The following L3MBTL3 variants were observed in gnomAD, a reference collection of about 807,000 sequenced individuals.
L3MBTL3 encodes the protein L3MBTL histone methyl-lysine binding protein 3, also known as lethal(3)malignant brain tumor-like protein 3.
A neutral mutation model predicts 102.3 loss-of-function variants in L3MBTL3; 27 were observed. The observed-to-expected ratio is 0.26, with a 90% CI of 0.19 to 0.36. The LOEUF (loss-of-function observed/expected upper bound fraction) is 0.36. Among genes scored for constraint, L3MBTL3 ranks in the 10% least tolerant of loss-of-function variants. The probability of loss-of-function intolerance (pLI) is 1.00; values close to 1 mark genes in which losing one functional copy is unlikely to be tolerated. For synonymous variants in L3MBTL3, 340 were observed against 320.9 expected, an observed-to-expected ratio of 1.06 and a Z score of -0.64; for missense variants, 798 against 955.3, an observed-to-expected ratio of 0.84 and a Z score of 2.17.
intron 18 of L3MBTL3, 31 bp from the exon 19 acceptor site, chr6:130,104,395 C>A: frequency 7.5e-7 from 1 of 1,334,380 alleles, no homozygotes; most frequent in Non-Finnish European, 1.0e-6. Context: ...GTTCAATGTT[C>A]TTTTTTTTTT....
intron 13 of L3MBTL3, among the ~76,000 whole-genome samples, chr6:130,076,455 A>G (rs1263898552): frequency 6.6e-6 from 1 of 151,962 alleles, no homozygotes; most frequent in Non-Finnish European, 1.5e-5. Context: ...ATAAGCATGG[A>G]TTTTTTTTAA....
At chr6:130,124,826 C>T (rs866130923) in intron 20 of L3MBTL3, among the ~76,000 whole-genome samples, 10 of 151,992 alleles carry the variant, frequency 6.6e-5, no homozygotes, top group Admixed American at 2.0e-4. Flanking sequence ...CGAAATCAGC[C>T]GGGCATGGTG....
At chr6:130,132,876 A>G (rs972837390) in intron 20 of L3MBTL3, among the ~76,000 whole-genome samples, 5 of 152,196 alleles carry the variant, frequency 3.3e-5, no homozygotes, top group African/African-American at 9.6e-5. Flanking sequence ...TTACAAAAAC[A>G]TTTGCATTTC....
intron 19 of L3MBTL3, among the ~76,000 whole-genome samples, chr6:130,118,379 CT>C (rs1416570811): frequency 6.6e-6 from 1 of 152,144 alleles, no homozygotes; most frequent in Non-Finnish European, 1.5e-5. Flanking sequence ...AAGAAGTGAA[CT>C]TTTCTTATTA....
rs759505576 is a variant in L3MBTL3 at position 130,052,921 on chromosome 6, G to A, written c.512G>A (p.Arg171Gln). Residue 171 changes from arginine (R) to glutamine (Q), a missense_variant, in exon 7 of 23, where the codon CGG (arginine) becomes CAG (glutamine). Physicochemically the swap from Arg to Gln is conservative, Grantham distance 43. Transcript: ENST00000361794. ...DNEEEDPKCS[R>Q]KKKPKLSLKA... ...GAGGAAGAAGATCCTAAGTGTAGTC[G>A]GAAGAAAAAACCAAAATTATCTCTG... 55 of 1,613,756 alleles carry A rather than the reference G, an allele frequency of 3.4e-5. No individual in the cohort carries two copies. The highest frequency in any genetic ancestry group is 6.6e-5 in the South Asian group (6 of 91,064).
At chr6:130,052,715 C>A in intron 6 of L3MBTL3, 144 bp from the exon 7 acceptor site, 1 of 931,740 alleles carries the variant, frequency 1.1e-6, no homozygotes, top group Non-Finnish European at 1.6e-6. Context: ...ATGATATTCT[C>A]ATGCCTACAG....
At chr6:130,058,313 A>C (rs1781659864) in intron 9 of L3MBTL3, among the ~76,000 whole-genome samples, 1 of 152,122 alleles carries the variant, frequency 6.6e-6, no homozygotes, top group Non-Finnish European at 1.5e-5. Context: ...TGTAGTTCTG[A>C]GTAGCAGTTG....
chr6:130,095,476 T>C (rs889289416), intron 18 of L3MBTL3, among the ~76,000 whole-genome samples: 1 of 152,206 alleles, frequency 6.6e-6, no homozygotes, highest in Non-Finnish European at 1.5e-5. Context: ...TTTTGTTGCT[T>C]GTCTGACTGC....
chr6:130,132,632 G>A (rs1271927692), intron 20 of L3MBTL3, among the ~76,000 whole-genome samples: 1 of 152,164 alleles, frequency 6.6e-6, no homozygotes, highest in East Asian at 1.9e-4. Flanking sequence ...GGACCATAAG[G>A]AGACGACGAT....
chr6:130,058,855 T>C (rs1781700109), intron 9 of L3MBTL3, among the ~76,000 whole-genome samples: 1 of 152,198 alleles, frequency 6.6e-6, no homozygotes, highest in Non-Finnish European at 1.5e-5. Flanking sequence ...TTCATTATAT[T>C]TAATCGTGGT....
chr6:130,055,464 C>G (rs536894415), intron 8 of L3MBTL3, among the ~76,000 whole-genome samples: 2 of 151,650 alleles, frequency 1.3e-5, no homozygotes, highest in East Asian at 3.9e-4. Context: ...TGAGAACTGT[C>G]TTCCTCCCTC....
At chr6:130,043,618 C>G (rs1192744364) in intron 3 of L3MBTL3, among the ~76,000 whole-genome samples, 4 of 152,212 alleles carry the variant, frequency 2.6e-5, no homozygotes, top group Non-Finnish European at 5.9e-5. Flanking sequence ...GGTATTTGAA[C>G]TTCACATCTC....
intron 18 of L3MBTL3, among the ~76,000 whole-genome samples, chr6:130,100,953 T>C (rs9492454): frequency 0.25 from 38,226 of 152,130 alleles, 4,983 homozygotes; most frequent in Admixed American, 0.28. Flanking sequence ...TCAATTTTAA[T>C]ATATATACAG....
At chr6:130,036,579 T>G (rs527822948) in intron 2 of L3MBTL3, among the ~76,000 whole-genome samples, 1 of 152,314 alleles carries the variant, frequency 6.6e-6, no homozygotes, top group Admixed American at 6.6e-5. Context: ...CAGTACTAGC[T>G]TTTAGATATC....
chr6:130,093,296 TTAA>T, intron 17 of L3MBTL3, among the ~76,000 whole-genome samples: 1 of 152,332 alleles, frequency 6.6e-6, no homozygotes, highest in East Asian at 1.9e-4. Context: ...TATAATTATC[TTAA>T]TAAAAATCTC....
At chr6:130,124,977 A>T (rs946887882) in intron 20 of L3MBTL3, among the ~76,000 whole-genome samples, 6 of 152,270 alleles carry the variant, frequency 3.9e-5, no homozygotes, top group East Asian at 1.9e-4. Flanking sequence ...TCTCAAAAAA[A>T]AAAAAATAAA....
chr6:130,025,820 A>C (rs1562245752), intron 2 of L3MBTL3, among the ~76,000 whole-genome samples: 1 of 152,176 alleles, frequency 6.6e-6, no homozygotes, highest in East Asian at 1.9e-4. Context: ...TATTTTGTCT[A>C]AATTACTGTT....
rs1303414303 is a variant in L3MBTL3, at chr6:130,098,122, C to T, written c.1736+3755C>T. ...AAGTGCCTTCAGAACTGAATCTTTT[C>T]TTTGTAAGATTTGGTCTTGGAGAAA... On this transcript the variant is annotated intron_variant, in intron 18 of 22. Coordinates refer to ENST00000361794, the MANE Select transcript of L3MBTL3 (RefSeq NM_032438.4). 1.1e-4 allele frequency among the ~76,000 whole-genome samples: 17 copies of T among 152,030 alleles called. No homozygotes were observed. The East Asian group carries it at 3.1e-3, about 28-fold the overall frequency.
chr6:130,072,376 A>G, intron 13 of L3MBTL3, among the ~76,000 whole-genome samples: 1 of 152,190 alleles, frequency 6.6e-6, no homozygotes, highest in Non-Finnish European at 1.5e-5. Context: ...TGTAAAAGGG[A>G]CTTGAGCATC....
Sources: gnomAD v4.1 joint callset for allele counts (sites outside exome capture counted in the v4.1 genomes callset) on GRCh38, gnomAD v4.1.1 for gene constraint, MANE v1.5 for transcripts, NCBI Gene and HGNC (gene_info 2026-07-23, HGNC 2026-07-21) for gene names.